ATF3: variants seen among roughly 807,000 people sequenced by gnomAD.
The protein encoded by ATF3 is activating transcription factor 3, also known as cyclic AMP-dependent transcription factor ATF-3.
In ATF3, 10 loss-of-function variants were observed where a neutral mutation model predicts 18.4. The ratio of observed to expected loss-of-function variants is 0.54; its 90% confidence interval spans 0.34 to 0.92. The LOEUF is 0.92. Ranked by LOEUF, ATF3 falls within the 40% of genes least tolerant of loss-of-function variation. ATF3 has a pLI of 0.02. For missense variants in ATF3, 183 were observed against 222.3 expected, an observed-to-expected ratio of 0.82 and a Z score of 1.12; for synonymous variants, 78 against 87.9, an observed-to-expected ratio of 0.89 and a Z score of 0.63.
chr1:212,611,758 T>C (rs1654902657), intron 1 of ATF3, among the ~76,000 whole-genome samples: 1 of 152,242 alleles, frequency 6.6e-6, no homozygotes, highest in Non-Finnish European at 1.5e-5. Context: ...GGGAGCTGAA[T>C]TTCCAGTTAA....
intron 1 of ATF3, among the ~76,000 whole-genome samples, chr1:212,588,625 A>AC (rs1664822858): frequency 4.3e-5 from 4 of 93,304 alleles, no homozygotes; most frequent in African/African-American, 4.4e-5. Flanking sequence ...TTATAATGAA[A>AC]AAACAACAAC....
chr1:212,576,136 A>G (rs1031709372), intron 1 of ATF3, among the ~76,000 whole-genome samples: 18 of 152,264 alleles, frequency 1.2e-4, no homozygotes, highest in African/African-American at 3.8e-4. Flanking sequence ...TAATTTCTTT[A>G]GTAGCTAAGG....
chr1:212,598,568 A>C (rs1379742954), intron 1 of ATF3, among the ~76,000 whole-genome samples: 1 of 152,178 alleles, frequency 6.6e-6, no homozygotes, highest in East Asian at 1.9e-4. Flanking sequence ...CATTCTAACT[A>C]TTTTTTTGTA....
chr1:212,604,272 G>A (rs145893012), upstream of ATF3, among the ~76,000 whole-genome samples: 1,495 of 152,228 alleles, frequency 9.8e-3, 12 homozygotes, highest in Non-Finnish European at 0.016. Flanking sequence ...ATGAATCCCC[G>A]GTCTCCTGAG....
intron 1 of ATF3, among the ~76,000 whole-genome samples, chr1:212,578,973 T>C (rs1664631164): frequency 6.6e-6 from 1 of 151,304 alleles, no homozygotes; most frequent in Admixed American, 6.6e-5. Context: ...AAGCAACTTC[T>C]AGGAGCTAGA....
Position 212,583,408 on chromosome 1 carries a change from C to T in ATF3, c.-5+17925C>T, listed in dbSNP as rs114753010. Reference sequence around the variant, plus strand: ...AGATGCCAGCAGGAAACTGATGGCACACACAGCAGGTTTAACTGAGGAGAG... The same window carrying T: ...AGATGCCAGCAGGAAACTGATGGCATACACAGCAGGTTTAACTGAGGAGAG... On this transcript the variant is annotated intron_variant, in intron 1 of 3. Transcript: ENST00000366981. Among the ~76,000 whole-genome samples the T allele has an allele frequency of 4.5e-3, 679 of 152,256 alleles. 7 individuals carry two copies. Among genetic ancestry groups the T allele is most frequent in the African/African-American group, 0.016 (645 of 41,542 alleles).
chr1:212,596,094 C>T (rs1264538677), intron 1 of ATF3, among the ~76,000 whole-genome samples: 1 of 152,046 alleles, frequency 6.6e-6, no homozygotes, highest in African/African-American at 2.4e-5. Context: ...AATATTCCTT[C>T]GATGAATTAA....
intron 1 of ATF3, among the ~76,000 whole-genome samples, chr1:212,591,570 T>C (rs1664886059): frequency 6.6e-6 from 1 of 152,176 alleles, no homozygotes; most frequent in Non-Finnish European, 1.5e-5. Flanking sequence ...TGTGCACTCT[T>C]CCAATCAGCT....
chr1:212,612,085 G>T (rs2102653370), intron 1 of ATF3, among the ~76,000 whole-genome samples: 1 of 152,294 alleles, frequency 6.6e-6, no homozygotes, highest in Non-Finnish European at 1.5e-5. Context: ...TAACTAGAAA[G>T]TATCCCGAGA....
At chr1:212,590,435 A>G (rs941091020) in intron 1 of ATF3, among the ~76,000 whole-genome samples, 2 of 152,040 alleles carry the variant, frequency 1.3e-5, no homozygotes, top group Admixed American at 1.3e-4. Flanking sequence ...CAAAAAAAAA[A>G]TGTCACATAA....
chr1:212,596,211 A>G (rs1664991086), intron 1 of ATF3, among the ~76,000 whole-genome samples: 1 of 152,126 alleles, frequency 6.6e-6, no homozygotes, highest in African/African-American at 2.4e-5. Flanking sequence ...TTACAAGATA[A>G]CTCCTATTTT....
chr1:212,619,281 C>A lies in ATF3; in HGVS notation c.349-77C>A. ...GTGTGTCCCAGGTACACCCCTGCAT[C>A]CAGGCAGCAGCCCAGGCCACCCCCT... On this transcript the variant is annotated intron_variant, in intron 3 of 3. Transcript: ENST00000341491. The surrounding 1 kb of genome is among the most constrained non-coding windows in gnomAD (Gnocchi z 4.4). 1.2e-6 allele frequency: 2 copies of A among 1,611,632 alleles called. No homozygotes were observed. The highest frequency in any genetic ancestry group is 1.1e-5 in the South Asian group (1 of 90,488).
intron 1 of ATF3, among the ~76,000 whole-genome samples, chr1:212,582,692 A>G (rs1422069747): frequency 1.3e-5 from 2 of 152,150 alleles, no homozygotes; most frequent in Non-Finnish European, 2.9e-5. Flanking sequence ...CTCTCCCTGC[A>G]GAGGGATTGA....
At chr1:212,605,836 C>G (rs1558235660), upstream of ATF3, among the ~76,000 whole-genome samples, 1 of 152,224 alleles carries the variant, frequency 6.6e-6, no homozygotes, top group Non-Finnish European at 1.5e-5. Context: ...ATTCCCCAGG[C>G]AATTCACCAT....
chr1:212,577,529 A>G (rs1664603550), intron 1 of ATF3, among the ~76,000 whole-genome samples: 3 of 152,052 alleles, frequency 2.0e-5, no homozygotes, highest in African/African-American at 7.2e-5. Flanking sequence ...GAAATCTTAT[A>G]TCCTTTGACC....
At chr1:212,571,973 A>G (rs1462651674) in intron 1 of ATF3, among the ~76,000 whole-genome samples, 2 of 151,666 alleles carry the variant, frequency 1.3e-5, no homozygotes, top group Non-Finnish European at 2.9e-5. Flanking sequence ...CGGCCTCCCA[A>G]AGTGCTGGGA....
At chr1:212,606,765 TAA>T (rs1466041905), upstream of ATF3, among the ~76,000 whole-genome samples, 1 of 152,050 alleles carries the variant, frequency 6.6e-6, no homozygotes, top group Non-Finnish European at 1.5e-5. Flanking sequence ...TAAGTAGAGA[TAA>T]CAAATAACTT....
chr1:212,583,456 G>A (rs1664722770), intron 1 of ATF3, among the ~76,000 whole-genome samples: 1 of 152,222 alleles, frequency 6.6e-6, no homozygotes, highest in Admixed American at 6.5e-5. Flanking sequence ...ACTATTAACT[G>A]AGGCTTGGGC....
intron 1 of ATF3, 98 bp downstream of exon 1, chr1:212,609,028 A>T (rs1654759646): frequency 3.3e-5 from 5 of 151,618 alleles, no homozygotes; most frequent in Admixed American, 3.3e-4. Flanking sequence ...CCCCTGACCC[A>T]CCCCGGATCC....
Sources: gnomAD v4.1 joint callset for allele counts (sites outside exome capture counted in the v4.1 genomes callset) on GRCh38, gnomAD v4.1.1 for gene constraint, Gnocchi (gnomAD v3.1) non-coding constraint, MANE v1.5 for transcripts, NCBI Gene and HGNC (gene_info 2026-07-23, HGNC 2026-07-21) for gene names.